SERPINB10: variants seen among roughly 807,000 people sequenced by gnomAD.
SERPINB10 encodes the protein serpin family B member 10.
Under a neutral mutation model 39.1 loss-of-function variants are expected in SERPINB10, and 35 were observed. The ratio of observed to expected loss-of-function variants is 0.90; its 90% CI spans 0.68 to 1.19. The LOEUF (loss-of-function observed/expected upper bound fraction) is 1.19. Ranked by LOEUF, SERPINB10 falls within the 50% of genes most tolerant of loss-of-function variation. The probability of loss-of-function intolerance (pLI) is 0.00; values close to 1 mark genes in which losing one functional copy is unlikely to be tolerated. For synonymous variants in SERPINB10, 190 were observed against 158.1 expected, an observed-to-expected ratio of 1.20 and a Z score of -1.52; for missense variants, 546 against 460.5, an observed-to-expected ratio of 1.19 and a Z score of -1.70.
Position 63,908,029 on chromosome 18 carries a change from G to T in SERPINB10, c.-21G>T. On this transcript the variant is annotated 5_prime_UTR_variant, in exon 1 of 8. Transcript: ENST00000238508. ...GCAAATTGCCAATTCTGCTCCAGTG[G>T]GAGAAAACAAGGTATTGTAAATATT... 2.9e-6 allele frequency: 1 copy of T among 339,058 alleles called. No homozygotes were observed. The highest frequency in any genetic ancestry group is 4.2e-5 in the Admixed American group (1 of 24,086). The allele number at this position is 339,058 out of a possible 1,614,324, so 21.0% of individuals were successfully genotyped here.
rs767003165 is a variant in SERPINB10 at position 63,915,627 on chromosome 18, G to T, written c.117G>T (p.Leu39Phe). ...CTTCCTGGAGCATCTCAACTTCCTT[G>T]ACCATAGTGTATTTGGGCGCCAAAG... ...FFSSWSISTS[L>F]TIVYLGAKGT... Residue 39 changes from leucine (L) to phenylalanine (F), a missense_variant, in exon 2 of 8, where the codon TTG becomes TTT. Leu to Phe is a conservative substitution (Grantham distance 22). Transcript: ENST00000238508. The T allele has an allele frequency of 2.5e-6, 4 of 1,612,632 alleles. No homozygotes were observed. The highest frequency in any genetic ancestry group is 2.2e-5 in the East Asian group (1 of 44,812).
At chr18:63,932,412 C>T (rs754514342) in intron 6 of SERPINB10, among the ~76,000 whole-genome samples, 1 of 152,150 alleles carries the variant, frequency 6.6e-6, no homozygotes, top group Admixed American at 6.5e-5. Context: ...TCGTCATCAG[C>T]ATTTGGTGTT....
chr18:63,935,075 G>C lies in SERPINB10; in HGVS notation c.1027G>C (p.Glu343Gln), dbSNP rs906343140. The C allele has an allele frequency of 8.1e-6, 13 of 1,614,174 alleles. No homozygotes were observed. The highest frequency in any genetic ancestry group is 8.5e-6 in the Non-Finnish European group (10 of 1,180,034). Residue 343 changes from glutamate to glutamine, a missense_variant, in exon 8 of 8, where the codon GAA becomes CAA. Physicochemically the swap from Glu to Gln is conservative, Grantham distance 29. Coordinates refer to ENST00000238508, the MANE Select transcript of SERPINB10 (RefSeq NM_005024.3). ...CAATGTTTTCCATAAGGCTTTTGTG[G>C]AAATAAATGAACAAGGTACTGAAGC... ...LSNVFHKAFVEINEQGTEAAA... is the reference protein window; with the variant it reads ...LSNVFHKAFVQINEQGTEAAA...
Position 63,915,626 on chromosome 18 carries a change from T to C in SERPINB10, c.116T>C (p.Leu39Ser). The C allele has an allele frequency of 6.2e-7, 1 of 1,612,750 alleles. No individual in the cohort carries two copies. Among genetic ancestry groups the C allele is most frequent in the Non-Finnish European group, 8.5e-7 (1 of 1,179,196 alleles). The change falls in exon 2 of 8, where the codon TTG becomes TCG. Residue 39 changes from leucine to serine, a missense_variant. Leu to Ser is a moderately radical substitution (Grantham distance 145, BLOSUM62 -2). Transcript: ENST00000238508. ...TCTTCCTGGAGCATCTCAACTTCCT[T>C]GACCATAGTGTATTTGGGCGCCAAA... ...FFSSWSISTS[L>S]TIVYLGAKGT...
At chr18:63,917,926 G>A (rs1443284962) in intron 3 of SERPINB10, 39 bp from the exon 4 acceptor site, 2 of 1,593,116 alleles carry the variant, frequency 1.3e-6, no homozygotes, top group Middle Eastern at 1.7e-4. Context: ...CGTAACTCTT[G>A]TTCAACATTT....
chr18:63,919,044 C>A (rs1568245389), intron 4 of SERPINB10, among the ~76,000 whole-genome samples: 1 of 152,000 alleles, frequency 6.6e-6, no homozygotes, highest in Non-Finnish European at 1.5e-5. Flanking sequence ...TTCCTGGCAA[C>A]AGAATTAACT....
At chr18:63,918,155 A>G in intron 4 of SERPINB10, 53 bp downstream of exon 4, 1 of 1,575,890 alleles carries the variant, frequency 6.3e-7, no homozygotes, top group South Asian at 1.1e-5. Context: ...GCAATGTGAG[A>G]CCAATCAGTA....
intron 5 of SERPINB10, among the ~76,000 whole-genome samples, chr18:63,925,625 G>C (rs2050175969): frequency 6.6e-6 from 1 of 152,068 alleles, no homozygotes; most frequent in Non-Finnish European, 1.5e-5. Context: ...ATACCCATGA[G>C]TCTATACTGA....
intron 1 of SERPINB10, among the ~76,000 whole-genome samples, chr18:63,910,440 A>C (rs1268181343): frequency 6.6e-6 from 1 of 151,844 alleles, no homozygotes. Context: ...TTAGTTTTTC[A>C]ATCTTTTCTC....
At chr18:63,919,709 C>CATTAAAAAA in intron 4 of SERPINB10, 79 bp from the exon 5 acceptor site, 1 of 975,786 alleles carries the variant, frequency 1.0e-6, no homozygotes, top group South Asian at 1.5e-5. Context: ...CTACCTAGTT[C>CATTAAAAAA]TTTTGATAAT....
intron 7 of SERPINB10, among the ~76,000 whole-genome samples, 154 bp from the exon 8 acceptor site, chr18:63,934,684 A>G (rs2050248338): frequency 6.6e-6 from 1 of 152,234 alleles, no homozygotes; most frequent in South Asian, 2.1e-4. Flanking sequence ...AACATTATAC[A>G]ACCAAAGGAT....
At chr18:63,911,778 A>G (rs1425180397) in intron 1 of SERPINB10, among the ~76,000 whole-genome samples, 3 of 145,142 alleles carry the variant, frequency 2.1e-5, no homozygotes, top group Admixed American at 1.4e-4. Context: ...CTTGTTCCAT[A>G]TGAAATTTAG....
intron 1 of SERPINB10, among the ~76,000 whole-genome samples, chr18:63,910,818 T>C (rs1014855479): frequency 1.1e-4 from 15 of 141,020 alleles, no homozygotes; most frequent in African/African-American, 4.5e-4. Context: ...TTTGAATGTA[T>C]ACCCAGTAAT....
chr18:63,924,984 G>C (rs1283617934), intron 5 of SERPINB10, among the ~76,000 whole-genome samples: 1 of 151,914 alleles, frequency 6.6e-6, no homozygotes, highest in Non-Finnish European at 1.5e-5. Context: ...CTGAAAAAAA[G>C]TACACAAATA....
rs532758949 is a variant in SERPINB10, at chr18:63,929,933, G to A, written c.491-112G>A. The A allele has an allele frequency of 1.5e-5, 16 of 1,098,024 alleles. No homozygotes were observed. The East Asian group carries it at 3.6e-4, about 25-fold the overall frequency. 68.0% of individuals were successfully genotyped at this position (1,098,024 alleles called of 1,614,324 possible). A position where few individuals can be genotyped will look rare whatever the true frequency, so the allele number is the denominator to read the frequency against. On this transcript the variant is annotated intron_variant, in intron 5 of 7. Coordinates refer to ENST00000238508, the MANE Select transcript of SERPINB10 (RefSeq NM_005024.3). The stretch of plus-strand genomic sequence containing the variant: ...TCCATTTCCAGAAAATCAAAAACCA[G>A]GACTTTTAAAGAAAACTTTTATAGT...
intron 1 of SERPINB10, among the ~76,000 whole-genome samples, chr18:63,912,817 C>T (rs1400496264): frequency 6.6e-6 from 1 of 151,954 alleles, no homozygotes; most frequent in Non-Finnish European, 1.5e-5. Flanking sequence ...AGGAGTCCCT[C>T]CTCTTTAATT....
Position 63,915,881 on chromosome 18 carries a change from A to G in SERPINB10, c.168+203A>G, listed in dbSNP as rs550780675. Among the ~76,000 whole-genome samples the G allele has an allele frequency of 1.8e-4, 27 of 152,258 alleles. 1 individual carries two copies. In the South Asian group the frequency reaches 4.1e-3, roughly 23 times the overall value. On this transcript the variant is annotated intron_variant, in intron 2 of 7. Transcript: ENST00000238508. ...TTTGCAAACTGTTGCTAGGAAAACC[A>G]TTTGAGAACCTGTGTCCTTTAGCAA...
intron 7 of SERPINB10, among the ~76,000 whole-genome samples, chr18:63,934,088 A>T (rs969312459): frequency 6.6e-6 from 1 of 152,212 alleles, no homozygotes; most frequent in African/African-American, 2.4e-5. Flanking sequence ...TCATGTTATT[A>T]ATGTAAGTGG....
intron 5 of SERPINB10, among the ~76,000 whole-genome samples, chr18:63,923,838 C>T (rs374386715): frequency 6.6e-6 from 1 of 151,958 alleles, no homozygotes; most frequent in East Asian, 1.9e-4. Context: ...CTTTGCCCTT[C>T]TGTTATCCTT....
Sources: allele counts gnomAD v4.1 joint callset (sites outside exome capture counted in the v4.1 genomes callset), GRCh38; gene constraint gnomAD v4.1.1; transcripts MANE v1.5; gene names NCBI Gene and HGNC (gene_info 2026-07-23, HGNC 2026-07-21).